The following MAP2K1 variants were observed in gnomAD, a reference collection of about 807,000 sequenced individuals.
MAP2K1 encodes dual specificity mitogen-activated protein kinase kinase 1.
Under a neutral mutation model 46.3 loss-of-function variants are expected in MAP2K1, and 16 were observed. The observed-to-expected ratio is 0.35, with a 90% CI of 0.23 to 0.52. The LOEUF (loss-of-function observed/expected upper bound fraction) is 0.52, where lower values mean the gene tolerates loss of function less well. Ranked by LOEUF, MAP2K1 falls within the 20% of genes least tolerant of loss-of-function variation. The pLI is 0.94. For missense variants in MAP2K1, 263 were observed against 497.1 expected (o/e 0.53, Z 4.48); for synonymous variants, 183 against 185.6 (o/e 0.99, Z 0.11).
chr15:66,427,790 C>T (rs1436688243), intron 1 of MAP2K1, among the ~76,000 whole-genome samples: 3 of 151,786 alleles, frequency 2.0e-5, no homozygotes, highest in South Asian at 2.1e-4. Context: ...CTGAGCCTGG[C>T]GGATCCCAAA....
At chr15:66,436,709 C>A (rs1286195491) in intron 2 of MAP2K1, 37 bp from the exon 3 acceptor site, 1 of 1,607,062 alleles carries the variant, frequency 6.2e-7, no homozygotes, top group African/African-American at 1.3e-5. Flanking sequence ...CTCCCTCTTT[C>A]TTTCATAAAA....
intron 1 of MAP2K1, among the ~76,000 whole-genome samples, chr15:66,394,210 A>G (rs1352682400): frequency 6.6e-6 from 1 of 152,198 alleles, no homozygotes; most frequent in African/African-American, 2.4e-5. Flanking sequence ...AGGAGGGTTC[A>G]CTGCTTGGCC....
intron 3 of MAP2K1, among the ~76,000 whole-genome samples, chr15:66,437,771 T>TA (rs769365439): frequency 9.9e-5 from 15 of 152,242 alleles, no homozygotes; most frequent in Admixed American, 2.6e-4. Context: ...CATCCACTGT[T>TA]ATAGGCATCT....
intron 1 of MAP2K1, among the ~76,000 whole-genome samples, chr15:66,398,814 T>C (rs1422746124): frequency 1.3e-5 from 2 of 151,078 alleles, no homozygotes; most frequent in African/African-American, 4.9e-5. Context: ...ACTCTTGTCG[T>C]CCAGGCTAGA....
At position 66,490,963 on chromosome 15, in the gene MAP2K1, C is replaced by T. The variant is rs1893237801; in HGVS notation, c.*348C>T. The T allele has an allele frequency of 9.1e-6, 4 of 439,714 alleles. No homozygotes were observed. The highest frequency in any genetic ancestry group is 2.0e-5 in the African/African-American group (1 of 50,888). The allele number at this position is 439,714 out of a possible 1,614,324, so 27.2% of individuals were successfully genotyped here. A position where few individuals can be genotyped will look rare whatever the true frequency, so the allele number is the denominator to read the frequency against. On this transcript the variant is annotated 3_prime_UTR_variant, in exon 11 of 11. Transcript: ENST00000307102. ...TCCTGCTCCATGACTGGCTGTCTGCCTGTATTTTCGGGATTCTTTGACATT... is the reference window on the plus strand; with the variant it reads ...TCCTGCTCCATGACTGGCTGTCTGCTTGTATTTTCGGGATTCTTTGACATT...
chr15:66,404,299 C>T (rs895218171), intron 1 of MAP2K1, among the ~76,000 whole-genome samples: 2 of 152,044 alleles, frequency 1.3e-5, no homozygotes, highest in African/African-American at 4.8e-5. Flanking sequence ...TTGCAGTGAG[C>T]GGAGATCGCG....
At chr15:66,455,751 T>A (rs1892150383) in intron 5 of MAP2K1, among the ~76,000 whole-genome samples, 1 of 152,222 alleles carries the variant, frequency 6.6e-6, no homozygotes, top group African/African-American at 2.4e-5. Context: ...GTGATTTGTC[T>A]CTGCCATAAT....
chr15:66,457,509 T>C (rs1423812527), intron 5 of MAP2K1, among the ~76,000 whole-genome samples: 1 of 152,220 alleles, frequency 6.6e-6, no homozygotes, highest in African/African-American at 2.4e-5. Context: ...TTTTGTGCTA[T>C]AATGGTAAAT....
intron 5 of MAP2K1, among the ~76,000 whole-genome samples, chr15:66,472,074 T>TGA (rs78623665): frequency 1.4e-4 from 1 of 7,312 alleles, no homozygotes; most frequent in African/African-American, 8.3e-4. Flanking sequence ...AGACTCCATC[T>TGA]CAAAAAAAAA....
chr15:66,438,373 C>G (rs912848150), intron 3 of MAP2K1, among the ~76,000 whole-genome samples: 38 of 152,304 alleles, frequency 2.5e-4, no homozygotes, highest in African/African-American at 9.1e-4. Context: ...AGGCATGAGC[C>G]ACCGTGCCCA....
At chr15:66,430,706 G>GTCCC (rs1182791957) in intron 1 of MAP2K1, among the ~76,000 whole-genome samples, 1 of 152,012 alleles carries the variant, frequency 6.6e-6, no homozygotes, top group Non-Finnish European at 1.5e-5. Context: ...GGTCTTCAAG[G>GTCCC]TCCCTCCCTG....
chr15:66,405,191 C>G (rs1262683932), intron 1 of MAP2K1, among the ~76,000 whole-genome samples: 3 of 152,202 alleles, frequency 2.0e-5, no homozygotes, highest in Non-Finnish European at 4.4e-5. Flanking sequence ...GGTGGTAGAG[C>G]TAAGTTTAGA....
At chr15:66,443,245 A>G (rs1051316105) in intron 3 of MAP2K1, 35 bp from the exon 4 acceptor site, 2 of 1,321,694 alleles carry the variant, frequency 1.5e-6, no homozygotes, top group South Asian at 2.3e-5. Context: ...TAGTTAGAAC[A>G]TTGTCACTAA....
intron 5 of MAP2K1, among the ~76,000 whole-genome samples, chr15:66,477,935 G>T (rs1394125769): frequency 6.6e-6 from 1 of 152,056 alleles, no homozygotes; most frequent in African/African-American, 2.4e-5. Flanking sequence ...ACCCAACACC[G>T]GTCCTCTGAG....
rs1000832067 is a variant in MAP2K1, at chr15:66,418,195, G to A, written c.81-16832G>A. On this transcript the variant is annotated intron_variant, in intron 1 of 10. Transcript: ENST00000307102. ...GCTGTATGTAAATGGAGAGGTTGAA[G>A]TAAAGTTACAAAGTCATTTGCGGCC... Among the ~76,000 whole-genome samples, 18 of 152,296 alleles carry A rather than the reference G, an allele frequency of 1.2e-4. No individual in the cohort carries two copies. In the East Asian group the frequency reaches 2.5e-3, roughly 21 times the overall value.
At chr15:66,429,393 A>G (rs985606729) in intron 1 of MAP2K1, among the ~76,000 whole-genome samples, 23 of 152,174 alleles carry the variant, frequency 1.5e-4, no homozygotes, top group Non-Finnish European at 3.1e-4. Context: ...CCATGACTCA[A>G]TCACCTCCCT....
intron 1 of MAP2K1, among the ~76,000 whole-genome samples, chr15:66,389,505 G>A (rs1313071662): frequency 1.3e-5 from 2 of 150,946 alleles, no homozygotes; most frequent in Non-Finnish European, 1.5e-5. Context: ...TACTGGGAGA[G>A]TCTAAACAGT....
At chr15:66,395,632 A>G (rs988869639) in intron 1 of MAP2K1, among the ~76,000 whole-genome samples, 12 of 139,090 alleles carry the variant, frequency 8.6e-5, no homozygotes, top group Admixed American at 3.2e-4. Flanking sequence ...TAGAGTGTGC[A>G]GTCACATGAT....
At chr15:66,456,710 T>C (rs760403238) in intron 5 of MAP2K1, among the ~76,000 whole-genome samples, 8 of 152,180 alleles carry the variant, frequency 5.3e-5, no homozygotes, top group Non-Finnish European at 1.0e-4. Context: ...GACCATTCAC[T>C]GTGTCCAGGG....
Sources: gnomAD v4.1 joint callset for allele counts (sites outside exome capture counted in the v4.1 genomes callset) on GRCh38, gnomAD v4.1.1 for gene constraint, MANE v1.5 for transcripts, NCBI Gene and HGNC (gene_info 2026-07-23, HGNC 2026-07-21) for gene names.